Variants in MYO16 observed in about 807,000 individuals in gnomAD.
The protein encoded by MYO16 is unconventional myosin-XVI.
Under a neutral mutation model 205.3 loss-of-function variants are expected in MYO16, and 94 were observed. The observed-to-expected ratio is 0.46, with a 90% CI of 0.39 to 0.54. MYO16 has a LOEUF of 0.54. Ranked by LOEUF, MYO16 falls within the 20% of genes least tolerant of loss-of-function variation. The pLI is 0.00. For synonymous variants in MYO16, 988 were observed against 954.0 expected (o/e 1.04, Z -0.66); for missense variants, 2,315 against 2,387.5 (o/e 0.97, Z 0.63).
At chr13:108,801,046 C>T (rs1016192046) in intron 6 of MYO16, among the ~76,000 whole-genome samples, 1 of 152,034 alleles carries the variant, frequency 6.6e-6, no homozygotes, top group African/African-American at 2.4e-5. Context: ...AAAGAGTGAG[C>T]AAAATTAAGG....
chr13:109,124,816 G>A (rs529463276), intron 29 of MYO16, among the ~76,000 whole-genome samples: 2 of 152,214 alleles, frequency 1.3e-5, no homozygotes, highest in African/African-American at 4.8e-5. Flanking sequence ...AAAATTCTGT[G>A]GGATTTAGAC....
intron 1 of MYO16, chr13:108,659,236 T>C (rs916246867): frequency 6.2e-6 from 1 of 160,104 alleles, no homozygotes; most frequent in Admixed American, 6.7e-5. Flanking sequence ...GATATATATA[T>C]GCTATATATG....
intron 15 of MYO16, among the ~76,000 whole-genome samples, chr13:108,909,478 T>C (rs1156431258): frequency 6.6e-6 from 1 of 152,008 alleles, no homozygotes; most frequent in African/African-American, 2.4e-5. Context: ...GAATTCAAAT[T>C]GCATTTTCCT....
intron 27 of MYO16, among the ~76,000 whole-genome samples, chr13:109,082,913 C>T (rs1203684873): frequency 1.3e-5 from 2 of 151,914 alleles, no homozygotes; most frequent in African/African-American, 4.8e-5. Flanking sequence ...AGATTATATG[C>T]GTATGAATAT....
At chr13:108,540,916 T>C in the MYO16 span, among the ~76,000 whole-genome samples, 2 of 152,202 alleles carry the variant, frequency 1.3e-5, no homozygotes, top group Non-Finnish European at 1.5e-5. Flanking sequence ...AATTTTAATT[T>C]CTAAGATGTT....
At chr13:108,520,378 T>C in the MYO16 span, among the ~76,000 whole-genome samples, 1 of 152,176 alleles carries the variant, frequency 6.6e-6, no homozygotes, top group Non-Finnish European at 1.5e-5. Flanking sequence ...TATCATTTTA[T>C]TTGAAAAAAA....
At chr13:108,527,042 T>C in the MYO16 span, among the ~76,000 whole-genome samples, 2 of 152,328 alleles carry the variant, frequency 1.3e-5, no homozygotes, top group Non-Finnish European at 2.9e-5. Context: ...CAAAATACTG[T>C]GTGATCACAG....
intron 1 of MYO16, among the ~76,000 whole-genome samples, chr13:108,609,588 A>G (rs1879095439): frequency 6.6e-6 from 1 of 152,226 alleles, no homozygotes; most frequent in African/African-American, 2.4e-5. Flanking sequence ...CTTCAGCAAC[A>G]TGAGCACAGC....
rs139531815 is a variant in MYO16 at position 108,804,081 on chromosome 13, C to T, written c.742-2598C>T. On this transcript the variant is annotated intron_variant, in intron 6 of 34. Transcript: ENST00000457511. ...TGCTGGAGGCTGCAGAGCGTGGCTT[C>T]GGATCTCAGTAACCATGCTTCTTCC... Among the ~76,000 whole-genome samples the T allele has an allele frequency of 5.4e-3, 822 of 152,248 alleles. 5 individuals carry two copies. The highest frequency in any genetic ancestry group is 0.019 in the African/African-American group (776 of 41,548).
chr13:109,075,391 C>CTCTAATGACTAATGTTGAGCATCTTTTTT (rs1594061889), intron 27 of MYO16, among the ~76,000 whole-genome samples: 21 of 31,572 alleles, frequency 6.7e-4, no homozygotes, highest in South Asian at 1.1e-3. Context: ...CTTTTTTTTT[C>CTCTAATGACTAATGTTGAGCATCTTTTTT]TTTTTCTTTT....
chr13:109,206,892 A>G lies in MYO16; in HGVS notation c.*56A>G, dbSNP rs989727654. 4 of 1,507,070 alleles carry G rather than the reference A, an allele frequency of 2.7e-6. No individual in the cohort carries two copies. The African/African-American group carries it at 4.2e-5, about 16-fold the overall frequency. The allele number at this position is 1,507,070 out of a possible 1,614,324, so 93.4% of individuals were successfully genotyped here. On this transcript the variant is annotated 3_prime_UTR_variant, in exon 35 of 35. Coordinates refer to ENST00000457511, the MANE Select transcript of MYO16 (RefSeq NM_001198950.3). Reference sequence around the variant, plus strand: ...AACTGCCTACTGATTCCGGGCTGCAACAACAGAAGGCTGCCTTCTGACATG... The same window carrying G: ...AACTGCCTACTGATTCCGGGCTGCAGCAACAGAAGGCTGCCTTCTGACATG...
intron 3 of MYO16, among the ~76,000 whole-genome samples, chr13:108,715,042 TC>T (rs1168455250): frequency 6.6e-6 from 1 of 152,184 alleles, no homozygotes; most frequent in Admixed American, 6.5e-5. Context: ...CCAACAGCTT[TC>T]CTTCTCTCAT....
intron 1 of MYO16, among the ~76,000 whole-genome samples, chr13:108,639,973 T>G (rs922351865): frequency 2.0e-5 from 3 of 152,198 alleles, no homozygotes; most frequent in Non-Finnish European, 4.4e-5. Flanking sequence ...AAGAGCAGGC[T>G]TGGGCATGCC....
intron 27 of MYO16, among the ~76,000 whole-genome samples, chr13:109,096,952 T>C (rs1888797148): frequency 6.6e-6 from 1 of 152,210 alleles, no homozygotes; most frequent in South Asian, 2.1e-4. Flanking sequence ...TTCTTTCCCA[T>C]TTGAACACAT....
chr13:108,531,444 A>G, the MYO16 span, among the ~76,000 whole-genome samples: 1 of 152,280 alleles, frequency 6.6e-6, no homozygotes, highest in East Asian at 1.9e-4. Context: ...GATGCATTTC[A>G]GAGATCTATT....
chr13:108,565,329 AT>A, the MYO16 span, among the ~76,000 whole-genome samples: 1 of 151,868 alleles, frequency 6.6e-6, no homozygotes, highest in Non-Finnish European at 1.5e-5. Flanking sequence ...ATATCTTTTA[AT>A]TTTTTTGTCC....
At chr13:108,897,960 T>A in intron 14 of MYO16, 56 bp from the exon 15 acceptor site, 1 of 1,326,798 alleles carries the variant, frequency 7.5e-7, no homozygotes, top group East Asian at 2.3e-5. Context: ...CTATTACTCA[T>A]CAATTTTATT....
intron 4 of MYO16, among the ~76,000 whole-genome samples, chr13:108,737,548 T>C (rs1421243867): frequency 6.6e-6 from 1 of 152,222 alleles, no homozygotes; most frequent in Non-Finnish European, 1.5e-5. Context: ...GCCAGTATTT[T>C]ATTGAGGATT....
chr13:109,169,373 AAAT>A (rs1878835660), intron 33 of MYO16, among the ~76,000 whole-genome samples: 1 of 152,186 alleles, frequency 6.6e-6, no homozygotes, highest in African/African-American at 2.4e-5. Flanking sequence ...AAAACAAATA[AAAT>A]AATGTGAAGG....
Sources: allele counts gnomAD v4.1 joint callset (sites outside exome capture counted in the v4.1 genomes callset), GRCh38; gene constraint gnomAD v4.1.1; transcripts MANE v1.5; gene names NCBI Gene and HGNC (gene_info 2026-07-23, HGNC 2026-07-21).